The following LHFPL6 variants were observed in gnomAD, a reference collection of about 807,000 sequenced individuals.
LHFPL6 encodes the protein LHFPL tetraspan subfamily member 6 protein.
LHFPL6 carries 9 observed loss-of-function variants against 20.6 expected under a neutral mutation model. That is an observed-to-expected ratio of 0.44 (90% CI 0.26 to 0.76). The LOEUF (loss-of-function observed/expected upper bound fraction) is 0.76. LHFPL6 is among the 30% of genes least tolerant of loss of function. The pLI, the probability that LHFPL6 is intolerant of heterozygous loss-of-function variation, is 0.20. For missense variants in LHFPL6, 218 were observed against 253.5 expected, an observed-to-expected ratio of 0.86 and a Z score of 0.95; for synonymous variants, 105 against 98.7, an observed-to-expected ratio of 1.06 and a Z score of -0.38.
intron 2 of LHFPL6, among the ~76,000 whole-genome samples, chr13:39,417,340 T>A (rs1253090514): frequency 6.6e-6 from 1 of 152,224 alleles, no homozygotes; most frequent in Non-Finnish European, 1.5e-5. Flanking sequence ...TCACACCAGC[T>A]GCATAATATT....
intron 2 of LHFPL6, among the ~76,000 whole-genome samples, chr13:39,396,951 C>A (rs1412834005): frequency 6.6e-6 from 1 of 152,072 alleles, no homozygotes; most frequent in East Asian, 1.9e-4. Flanking sequence ...TTCTCTAGAA[C>A]CTTCAGAGGG....
chr13:39,355,462 T>C (rs1452075728), intron 3 of LHFPL6, among the ~76,000 whole-genome samples: 1 of 152,058 alleles, frequency 6.6e-6, no homozygotes, highest in Non-Finnish European at 1.5e-5. Flanking sequence ...ACATATCCTA[T>C]AAAATAATCA....
At chr13:39,404,932 C>T (rs1444093847) in intron 2 of LHFPL6, among the ~76,000 whole-genome samples, 1 of 152,172 alleles carries the variant, frequency 6.6e-6, no homozygotes, top group Non-Finnish European at 1.5e-5. Context: ...GATACTTAAT[C>T]CCCCAAATTA....
chr13:39,357,617 G>A (rs1186635246), intron 3 of LHFPL6, among the ~76,000 whole-genome samples: 1 of 152,120 alleles, frequency 6.6e-6, no homozygotes, highest in African/African-American at 2.4e-5. Context: ...TCTGTCAAAA[G>A]CTTCCTAGTA....
chr13:39,488,117 C>A (rs1868788153), intron 2 of LHFPL6, among the ~76,000 whole-genome samples: 1 of 152,054 alleles, frequency 6.6e-6, no homozygotes, highest in Non-Finnish European at 1.5e-5. Context: ...GGGATTAATG[C>A]CCTTATAAAA....
At chr13:39,592,228 T>C (rs1872628387) in intron 2 of LHFPL6, among the ~76,000 whole-genome samples, 1 of 151,654 alleles carries the variant, frequency 6.6e-6, no homozygotes, top group Non-Finnish European at 1.5e-5. Flanking sequence ...AAAAAAAGTA[T>C]GTAAAAAACT....
intron 2 of LHFPL6, among the ~76,000 whole-genome samples, chr13:39,423,931 C>T (rs941177767): frequency 6.6e-6 from 1 of 152,042 alleles, no homozygotes; most frequent in East Asian, 1.9e-4. Context: ...GAAATTCGAC[C>T]CAGTAAAACC....
intron 2 of LHFPL6, among the ~76,000 whole-genome samples, chr13:39,435,888 C>T (rs1029509178): frequency 2.6e-5 from 4 of 152,090 alleles, no homozygotes; most frequent in African/African-American, 9.7e-5. Flanking sequence ...AACTTATTAA[C>T]TATTTTCTAT....
chr13:39,595,635 C>A (rs530730551), intron 2 of LHFPL6, among the ~76,000 whole-genome samples: 3 of 152,122 alleles, frequency 2.0e-5, no homozygotes, highest in African/African-American at 7.2e-5. Context: ...AAGCCCCACT[C>A]CCACTGTTTC....
chr13:39,373,186 C>A (rs569035266), intron 3 of LHFPL6, among the ~76,000 whole-genome samples: 2,485 of 152,266 alleles, frequency 0.016, 33 homozygotes, highest in Non-Finnish European at 0.025. Context: ...AATATGGAAA[C>A]AAATTACTGT....
intron 3 of LHFPL6, among the ~76,000 whole-genome samples, chr13:39,352,853 G>A (rs1195606054): frequency 7.4e-4 from 44 of 59,190 alleles, no homozygotes; most frequent in South Asian, 2.4e-3. Flanking sequence ...ATATATAAAT[G>A]TATATATATG....
intron 2 of LHFPL6, among the ~76,000 whole-genome samples, chr13:39,413,434 AT>A (rs11292419): frequency 0.72 from 83,986 of 117,446 alleles, 29,751 homozygotes; most frequent in South Asian, 0.83. Context: ...ACTACTCAGG[AT>A]TTTTTTTTTT....
At chr13:39,565,515 T>C (rs995089310) in intron 2 of LHFPL6, among the ~76,000 whole-genome samples, 1 of 152,168 alleles carries the variant, frequency 6.6e-6, no homozygotes, top group African/African-American at 2.4e-5. Flanking sequence ...AGCTGCTGAA[T>C]GAGGAGGAAA....
chr13:39,424,065 T>C (rs1871573266), intron 2 of LHFPL6, among the ~76,000 whole-genome samples: 1 of 152,222 alleles, frequency 6.6e-6, no homozygotes, highest in South Asian at 2.1e-4. Flanking sequence ...ATATGTATTA[T>C]TTATATTATA....
intron 2 of LHFPL6, among the ~76,000 whole-genome samples, chr13:39,389,005 A>G (rs1870638461): frequency 6.6e-6 from 1 of 152,180 alleles, no homozygotes; most frequent in African/African-American, 2.4e-5. Flanking sequence ...TATGAGGGAC[A>G]TTTGTGATGG....
intron 2 of LHFPL6, among the ~76,000 whole-genome samples, chr13:39,528,089 T>C (rs1870350971): frequency 6.6e-6 from 1 of 152,208 alleles, no homozygotes; most frequent in South Asian, 2.1e-4. Context: ...AGAAGGGCTT[T>C]TGCTGGTTTT....
intron 2 of LHFPL6, among the ~76,000 whole-genome samples, chr13:39,553,476 C>T (rs780174758): frequency 2.0e-4 from 31 of 152,132 alleles, no homozygotes; most frequent in Admixed American, 1.7e-3. Flanking sequence ...CTTGGGGAGG[C>T]GAAGATATGA....
chr13:39,562,529 C>CATATAT (rs1566142118), intron 2 of LHFPL6, among the ~76,000 whole-genome samples: 1 of 116,752 alleles, frequency 8.6e-6, no homozygotes, highest in Admixed American at 8.5e-5. Flanking sequence ...TACACATATA[C>CATATAT]ACATATATAC....
At chr13:39,432,711 C>T (rs1159816624) in intron 2 of LHFPL6, among the ~76,000 whole-genome samples, 1 of 152,094 alleles carries the variant, frequency 6.6e-6, no homozygotes, top group Non-Finnish European at 1.5e-5. Context: ...AAAATTGTTT[C>T]TCCCTCCTCC....
Sources: gnomAD v4.1 joint callset for allele counts (sites outside exome capture counted in the v4.1 genomes callset) on GRCh38, gnomAD v4.1.1 for gene constraint, MANE v1.5 for transcripts, NCBI Gene and HGNC (gene_info 2026-07-23, HGNC 2026-07-21) for gene names.